RALGAPA2: variants seen among roughly 807,000 people sequenced by gnomAD.
RALGAPA2 encodes Ral GTPase activating protein catalytic subunit alpha 2.
RALGAPA2 carries 139 observed loss-of-function variants against 230.4 expected under a neutral mutation model. That is an observed-to-expected ratio of 0.60 (90% CI 0.53 to 0.69). The LOEUF (loss-of-function observed/expected upper bound fraction) is 0.69. RALGAPA2 is among the 30% of genes least tolerant of loss of function. The pLI is 0.00. For synonymous variants in RALGAPA2, 847 were observed against 837.8 expected, an observed-to-expected ratio of 1.01 and a Z score of -0.19; for missense variants, 2,163 against 2,276.0, an observed-to-expected ratio of 0.95 and a Z score of 1.01.
chr20:20,506,558 G>A (rs2062541569), intron 33 of RALGAPA2, among the ~76,000 whole-genome samples: 1 of 152,048 alleles, frequency 6.6e-6, no homozygotes, highest in South Asian at 2.1e-4. Flanking sequence ...TTTTTTTAAA[G>A]TTTCGATGTC....
chr20:20,700,757 A>G (rs1419695805), intron 1 of RALGAPA2, among the ~76,000 whole-genome samples: 1 of 152,206 alleles, frequency 6.6e-6, no homozygotes, highest in East Asian at 1.9e-4. Flanking sequence ...TTAGAATCCA[A>G]GGGATTGGTC....
chr20:20,440,758 C>T (rs574021315), intron 37 of RALGAPA2, among the ~76,000 whole-genome samples: 2 of 152,250 alleles, frequency 1.3e-5, no homozygotes, highest in African/African-American at 4.8e-5. Flanking sequence ...AGCTGACGGG[C>T]AACCTCACTG....
At chr20:20,700,585 GT>G (rs1196443995) in intron 1 of RALGAPA2, among the ~76,000 whole-genome samples, 1 of 152,146 alleles carries the variant, frequency 6.6e-6, no homozygotes, top group African/African-American at 2.4e-5. Context: ...CTCCAATTTT[GT>G]TCTCATGAAA....
chr20:20,511,378 C>A, intron 32 of RALGAPA2, 53 bp from the exon 33 acceptor site: 1 of 1,514,770 alleles, frequency 6.6e-7, no homozygotes, highest in Non-Finnish European at 8.8e-7. Flanking sequence ...AACCATTTTG[C>A]CGCTTTTCAA....
chr20:20,636,492 A>C (rs1482426093), intron 8 of RALGAPA2, among the ~76,000 whole-genome samples: 1 of 152,172 alleles, frequency 6.6e-6, no homozygotes, highest in Non-Finnish European at 1.5e-5. Context: ...CCTAAAAGTC[A>C]GTAATTCTAC....
At chr20:20,572,028 T>G in intron 21 of RALGAPA2, 82 bp from the exon 22 acceptor site, 3 of 912,498 alleles carry the variant, frequency 3.3e-6, no homozygotes, top group Non-Finnish European at 5.2e-6. Flanking sequence ...TGTGACCATA[T>G]AGCTGCTTTC....
chr20:20,695,255 G>A (rs1449966786), intron 1 of RALGAPA2, among the ~76,000 whole-genome samples: 1 of 152,194 alleles, frequency 6.6e-6, no homozygotes, highest in Non-Finnish European at 1.5e-5. Context: ...GGTACATAAT[G>A]CCTTAGAATG....
chr20:20,659,044 C>T (rs1474718741), intron 3 of RALGAPA2, among the ~76,000 whole-genome samples: 3 of 152,052 alleles, frequency 2.0e-5, no homozygotes, highest in Non-Finnish European at 2.9e-5. Context: ...CAGAAGAGCT[C>T]TGGGTAAAGA....
chr20:20,671,558 C>G (rs1055912005), intron 3 of RALGAPA2, among the ~76,000 whole-genome samples: 6 of 152,194 alleles, frequency 3.9e-5, no homozygotes, highest in Non-Finnish European at 5.9e-5. Flanking sequence ...AAATTACAAC[C>G]TACCTTCTAA....
intron 3 of RALGAPA2, among the ~76,000 whole-genome samples, chr20:20,667,663 A>C (rs2068001210): frequency 6.6e-6 from 1 of 152,146 alleles, no homozygotes. Flanking sequence ...ATGCTTCTCA[A>C]ATAAGAATCT....
chr20:20,536,807 C>T lies in RALGAPA2; in HGVS notation c.3286-23G>A, dbSNP rs756363092. 3.7e-6 allele frequency: 6 copies of T among 1,602,286 alleles called. No individual in the cohort carries two copies. The East Asian group carries it at 1.3e-4, about 36-fold the overall frequency. On this transcript the variant is annotated intron_variant, in intron 24 of 39. Transcript: ENST00000202677. ...CGCCTGCACATAAGGAAGAGGAGCA[C>T]ACACATTTCTCTTTTTGTAAGTTAG...
At chr20:20,602,058 C>T (rs1390674226) in intron 15 of RALGAPA2, among the ~76,000 whole-genome samples, 1 of 152,176 alleles carries the variant, frequency 6.6e-6, no homozygotes, top group Non-Finnish European at 1.5e-5. Flanking sequence ...TTTCAAGAAT[C>T]TAAAACAGTC....
intron 37 of RALGAPA2, among the ~76,000 whole-genome samples, chr20:20,441,805 A>G (rs564953126): frequency 1.3e-5 from 2 of 152,372 alleles, no homozygotes; most frequent in African/African-American, 4.8e-5. Context: ...ATTTTAAAAC[A>G]GGATTTTTCT....
Position 20,629,364 on chromosome 20 carries a change from T to C in RALGAPA2, c.1232A>G (p.Gln411Arg), listed in dbSNP as rs1261406577. ...YVNFVNEVFH[Q>R]AFLLPSCEIA... ...ACACACACACACACACACACTAACC[T>C]GGTGAAATACTTCATTCACGAAGTT... Residue 411 changes from glutamine (Q) to arginine (R), a missense_variant and splice_region_variant, in exon 10 of 40, where the codon CAG becomes CGG. Coordinates refer to ENST00000202677, the MANE Select transcript of RALGAPA2 (RefSeq NM_020343.4). 4 of 1,528,300 alleles carry C rather than the reference T, an allele frequency of 2.6e-6. No homozygotes were observed. Among genetic ancestry groups the C allele is most frequent in the Non-Finnish European group, 3.6e-6 (4 of 1,121,064 alleles). The allele number at this position is 1,528,300 out of a possible 1,614,324, so 94.7% of individuals were successfully genotyped here.
chr20:20,586,941 A>G (rs2065150354), intron 18 of RALGAPA2, among the ~76,000 whole-genome samples: 1 of 152,102 alleles, frequency 6.6e-6, no homozygotes, highest in Non-Finnish European at 1.5e-5. Context: ...TTTTTTTAAA[A>G]CCCCAGTGTC....
rs561646055 is a variant in RALGAPA2 at position 20,494,868 on chromosome 20, A to G, written c.5367+249T>C. On this transcript the variant is annotated intron_variant, in intron 36 of 39. Coordinates refer to ENST00000202677, the MANE Select transcript of RALGAPA2 (RefSeq NM_020343.4). ...ACTTAAAACATTTACAAAATAATAA[A>G]TTTGACATTATAATTTCCAAAGAGG... is the stretch of plus-strand genomic sequence containing the variant. Among the ~76,000 whole-genome samples the G allele has an allele frequency of 2.0e-5, 3 of 152,372 alleles. No individual in the cohort carries two copies. The South Asian group carries it at 6.2e-4, about 32-fold the overall frequency.
chr20:20,709,312 C>A (rs1405910694), intron 1 of RALGAPA2, among the ~76,000 whole-genome samples: 25 of 151,524 alleles, frequency 1.6e-4, no homozygotes, highest in African/African-American at 6.1e-4. Context: ...GAGTGAGACT[C>A]CATCTCAAAA....
chr20:20,500,478 C>A (rs1286221058), intron 35 of RALGAPA2, among the ~76,000 whole-genome samples: 1 of 152,242 alleles, frequency 6.6e-6, no homozygotes, highest in Non-Finnish European at 1.5e-5. Context: ...CCATAAGAAG[C>A]AACTTTTCAT....
chr20:20,527,988 G>T (rs2063263603), intron 27 of RALGAPA2, among the ~76,000 whole-genome samples: 1 of 152,202 alleles, frequency 6.6e-6, no homozygotes, highest in African/African-American at 2.4e-5. Context: ...GGGCAGACAG[G>T]AGTGGGACAT....
Sources: gnomAD v4.1 joint callset for allele counts (sites outside exome capture counted in the v4.1 genomes callset) on GRCh38, gnomAD v4.1.1 for gene constraint, MANE v1.5 for transcripts, NCBI Gene and HGNC (gene_info 2026-07-23, HGNC 2026-07-21) for gene names.